Variants in CACHD1 observed in about 807,000 individuals in gnomAD.
The protein encoded by CACHD1 is cache domain containing 1.
A neutral mutation model predicts 138.7 loss-of-function variants in CACHD1; 71 were observed. The observed-to-expected ratio is 0.51, with a 90% CI of 0.42 to 0.62. The LOEUF (loss-of-function observed/expected upper bound fraction) is 0.62. Ranked by LOEUF, CACHD1 falls within the 20% of genes least tolerant of loss-of-function variation. The pLI is 0.00. For synonymous variants in CACHD1, 578 were observed against 591.5 expected, an observed-to-expected ratio of 0.98 and a Z score of 0.33; for missense variants, 1,389 against 1,625.3, an observed-to-expected ratio of 0.85 and a Z score of 2.50.
At chr1:64,690,983 G>A (rs537847198) in intron 26 of CACHD1, among the ~76,000 whole-genome samples, 3 of 152,222 alleles carry the variant, frequency 2.0e-5, no homozygotes, top group East Asian at 1.9e-4. Flanking sequence ...GTGGTGGCTC[G>A]CCATGGATGA....
chr1:64,570,326 C>G (rs1252299789), intron 2 of CACHD1, among the ~76,000 whole-genome samples: 1 of 152,138 alleles, frequency 6.6e-6, no homozygotes, highest in Non-Finnish European at 1.5e-5. Context: ...AGAACTATAG[C>G]TTTATTTTAA....
chr1:64,601,514 CT>C (rs1647214084), intron 3 of CACHD1, among the ~76,000 whole-genome samples: 1 of 152,188 alleles, frequency 6.6e-6, no homozygotes, highest in Non-Finnish European at 1.5e-5. Flanking sequence ...AGGTTAGAGC[CT>C]GGACTAACAG....
chr1:64,609,339 T>G (rs1407479667), intron 4 of CACHD1, among the ~76,000 whole-genome samples: 4 of 152,220 alleles, frequency 2.6e-5, no homozygotes, highest in Non-Finnish European at 5.9e-5. Context: ...TTGCTTCAGC[T>G]TCATGATTGC....
chr1:64,607,116 C>T (rs542493067), intron 4 of CACHD1, among the ~76,000 whole-genome samples: 5 of 152,178 alleles, frequency 3.3e-5, no homozygotes, highest in African/African-American at 1.2e-4. Context: ...ATTTAGATCA[C>T]GTAGCAAGTG....
chr1:64,582,108 G>GTTA, intron 2 of CACHD1, 48 bp from the exon 3 acceptor site: 1 of 1,597,200 alleles, frequency 6.3e-7, no homozygotes, highest in Non-Finnish European at 8.6e-7. Flanking sequence ...AATACAATGA[G>GTTA]TTATTGTCTT....
chr1:64,522,976 A>C (rs758139217), intron 1 of CACHD1, among the ~76,000 whole-genome samples: 1 of 152,220 alleles, frequency 6.6e-6, no homozygotes, highest in African/African-American at 2.4e-5. Flanking sequence ...ATACTGTGTC[A>C]TAAGTGCTGG....
intron 1 of CACHD1, among the ~76,000 whole-genome samples, chr1:64,475,522 A>G (rs1181252263): frequency 2.6e-5 from 4 of 151,640 alleles, no homozygotes; most frequent in Admixed American, 2.0e-4. Context: ...CTGCTCTATG[A>G]AGGGTCTTGG....
At chr1:64,669,987 A>T (rs1343698378) in intron 16 of CACHD1, among the ~76,000 whole-genome samples, 1 of 152,180 alleles carries the variant, frequency 6.6e-6, no homozygotes, top group Non-Finnish European at 1.5e-5. Context: ...TCTCAGCCTA[A>T]TCTTCTATTT....
chr1:64,505,412 T>G (rs937999099), intron 1 of CACHD1, among the ~76,000 whole-genome samples: 5 of 152,084 alleles, frequency 3.3e-5, no homozygotes. Context: ...ACATTCCTCC[T>G]GCTGCACCCT....
chr1:64,528,453 T>C (rs1471541210), intron 1 of CACHD1, among the ~76,000 whole-genome samples: 3 of 152,210 alleles, frequency 2.0e-5, no homozygotes, highest in African/African-American at 7.2e-5. Context: ...ATCTTAATTA[T>C]TTTTAATGAA....
chr1:64,610,666 C>T (rs1400177828), intron 4 of CACHD1, among the ~76,000 whole-genome samples: 1 of 152,242 alleles, frequency 6.6e-6, no homozygotes, highest in Admixed American at 6.5e-5. Flanking sequence ...AGGGTAAGCC[C>T]ACCTCCTGGC....
At chr1:64,493,102 T>C (rs1646287722) in intron 1 of CACHD1, among the ~76,000 whole-genome samples, 1 of 152,254 alleles carries the variant, frequency 6.6e-6, no homozygotes, top group Non-Finnish European at 1.5e-5. Flanking sequence ...AGAGCTGTTG[T>C]CACATCAAAC....
Position 64,691,603 on chromosome 1 carries a change from C to G in CACHD1, c.*42C>G, listed in dbSNP as rs1242584708. On this transcript the variant is annotated 3_prime_UTR_variant, in exon 27 of 27. Coordinates refer to ENST00000651257, the MANE Select transcript of CACHD1 (RefSeq NM_020925.4). ...ACGCCAAGATGAGATCTGGGAGCTA[C>G]AGAATGTTCTGGAAAGAAAAAGAAC... is the stretch of plus-strand genomic sequence containing the variant. 27 of 1,564,650 alleles carry G rather than the reference C, an allele frequency of 1.7e-5. No homozygotes were observed. Among genetic ancestry groups the G allele is most frequent in the Non-Finnish European group, 2.4e-5 (27 of 1,136,012 alleles).
chr1:64,651,654 C>T (rs1282469135), intron 9 of CACHD1, among the ~76,000 whole-genome samples: 1 of 151,782 alleles, frequency 6.6e-6, no homozygotes, highest in Admixed American at 6.6e-5. Flanking sequence ...GACCTCATCT[C>T]GAAATATTAA....
intron 23 of CACHD1, among the ~76,000 whole-genome samples, chr1:64,678,650 GACCA>G (rs1395248342): frequency 6.6e-6 from 1 of 152,184 alleles, no homozygotes; most frequent in East Asian, 1.9e-4. Context: ...TGTACGGAGT[GACCA>G]CTGTATGTCT....
At chr1:64,651,209 G>T (rs1190499644) in intron 9 of CACHD1, among the ~76,000 whole-genome samples, 1 of 151,996 alleles carries the variant, frequency 6.6e-6, no homozygotes, top group Non-Finnish European at 1.5e-5. Context: ...AGCCCACAAA[G>T]CCTGAAATAT....
At chr1:64,541,228 C>T (rs1646674685) in intron 1 of CACHD1, among the ~76,000 whole-genome samples, 1 of 152,214 alleles carries the variant, frequency 6.6e-6, no homozygotes, top group South Asian at 2.1e-4. Flanking sequence ...AATGCTTATT[C>T]ATGCTTTTTG....
In CACHD1 at chr1:64,678,403, T is replaced by C. The variant is rs1650065426; in HGVS notation, c.3244+93T>C. Reference sequence around the variant, plus strand: ...ATCTTAAAATAATCCTCTTCCCAACTTCCCTGATTCCTTTGCTGGTAGTCT... The same window carrying C: ...ATCTTAAAATAATCCTCTTCCCAACCTCCCTGATTCCTTTGCTGGTAGTCT... On this transcript the variant is annotated intron_variant, in intron 23 of 26. Coordinates refer to ENST00000651257, the MANE Select transcript of CACHD1 (RefSeq NM_020925.4). 4.0e-6 allele frequency: 5 copies of C among 1,245,214 alleles called. No individual in the cohort carries two copies. In the East Asian group the frequency reaches 1.4e-4, roughly 35 times the overall value. The allele number at this position is 1,245,214 out of a possible 1,614,324, so 77.1% of individuals were successfully genotyped here.
At chr1:64,590,954 CTATA>C (rs1433528312) in intron 3 of CACHD1, among the ~76,000 whole-genome samples, 1 of 152,190 alleles carries the variant, frequency 6.6e-6, no homozygotes, top group Non-Finnish European at 1.5e-5. Context: ...GCAGTTTGAA[CTATA>C]TTTCAGAGAC....
Sources: allele counts gnomAD v4.1 joint callset (sites outside exome capture counted in the v4.1 genomes callset), GRCh38; gene constraint gnomAD v4.1.1; transcripts MANE v1.5; gene names NCBI Gene and HGNC (gene_info 2026-07-23, HGNC 2026-07-21).